Variants in P3H2 observed in about 807,000 individuals in gnomAD.
P3H2 encodes prolyl 3-hydroxylase 2.
A neutral mutation model predicts 87.0 loss-of-function variants in P3H2; 80 were observed. The ratio of observed to expected loss-of-function variants is 0.92; its 90% CI spans 0.77 to 1.11. The LOEUF (loss-of-function observed/expected upper bound fraction) is 1.11. P3H2 is among the 50% of genes least tolerant of loss of function. The pLI, the probability that P3H2 is intolerant of heterozygous loss-of-function variation, is 0.00. For missense variants in P3H2, 1,001 were observed against 923.9 expected (o/e 1.08, Z -1.08); for synonymous variants, 367 against 359.3 (o/e 1.02, Z -0.24).
At chr3:190,076,317 C>CA (rs1187586779) in intron 1 of P3H2, among the ~76,000 whole-genome samples, 2 of 152,024 alleles carry the variant, frequency 1.3e-5, no homozygotes, top group Non-Finnish European at 2.9e-5. Flanking sequence ...GGAAACTTGA[C>CA]AAAAAAGAGA....
chr3:190,061,874 C>G (rs1045877014), intron 1 of P3H2, among the ~76,000 whole-genome samples: 2 of 152,146 alleles, frequency 1.3e-5, no homozygotes, highest in Non-Finnish European at 2.9e-5. Context: ...CTCAGTCTGT[C>G]CAGGCTTTTG....
chr3:190,029,056 T>C (rs564321461), intron 1 of P3H2, among the ~76,000 whole-genome samples: 20 of 152,226 alleles, frequency 1.3e-4, no homozygotes, highest in Non-Finnish European at 2.8e-4. Flanking sequence ...AGAAAAATTT[T>C]CTCTGGTTCT....
chr3:190,083,493 G>C (rs1325941528), intron 1 of P3H2, among the ~76,000 whole-genome samples: 1 of 152,172 alleles, frequency 6.6e-6, no homozygotes, highest in Admixed American at 6.5e-5. Context: ...CATTTTCAAA[G>C]GATTTTTAAC....
chr3:190,066,158 T>TATATATATATATATATATACACAC (rs1256956930), intron 1 of P3H2, among the ~76,000 whole-genome samples: 12 of 134,620 alleles, frequency 8.9e-5, no homozygotes, highest in South Asian at 2.3e-4. Context: ...TATATATATA[T>TATATATATATATATATATACACAC]ACACACACAC....
intron 13 of P3H2, among the ~76,000 whole-genome samples, chr3:189,966,130 A>AAC (rs1722988940): frequency 1.9e-5 from 1 of 52,478 alleles, no homozygotes; most frequent in African/African-American, 6.0e-5. Flanking sequence ...AGAAAAAGAA[A>AAC]GAAAGAAAGA....
chr3:189,970,737 A>G (rs1723151962), intron 13 of P3H2, 79 bp downstream of exon 13: 2 of 833,230 alleles, frequency 2.4e-6, no homozygotes, highest in Non-Finnish European at 4.2e-6. Flanking sequence ...TTGAAATCTA[A>G]CCATCTGTAA....
chr3:190,053,893 GTTTTC>G (rs1485202223), intron 1 of P3H2, among the ~76,000 whole-genome samples: 3 of 152,022 alleles, frequency 2.0e-5, no homozygotes, highest in Non-Finnish European at 4.4e-5. Context: ...AGATTTCCCT[GTTTTC>G]TTAAACAAAT....
At chr3:190,003,095 G>A (rs934018810) in intron 1 of P3H2, among the ~76,000 whole-genome samples, 7 of 152,178 alleles carry the variant, frequency 4.6e-5, no homozygotes, top group Non-Finnish European at 8.8e-5. Flanking sequence ...TGGAAATGAC[G>A]TTTCTGAAGA....
intron 1 of P3H2, among the ~76,000 whole-genome samples, chr3:190,101,800 G>A (rs1041912713): frequency 6.6e-6 from 1 of 152,146 alleles, no homozygotes; most frequent in Non-Finnish European, 1.5e-5. Context: ...GCATCTTCTT[G>A]GAAGATGTCA....
intron 1 of P3H2, among the ~76,000 whole-genome samples, chr3:190,037,838 G>A (rs1191047648): frequency 6.6e-6 from 1 of 152,072 alleles, no homozygotes. Context: ...TGAGACAACA[G>A]AATATTTCTA....
intron 1 of P3H2, among the ~76,000 whole-genome samples, chr3:190,022,889 C>G (rs13323794): frequency 3.3e-5 from 5 of 151,914 alleles, no homozygotes; most frequent in East Asian, 1.9e-4. Context: ...TGCAGTGGCG[C>G]GATCTCGGCT....
At chr3:190,070,171 A>T (rs1256346688) in intron 1 of P3H2, among the ~76,000 whole-genome samples, 1 of 152,190 alleles carries the variant, frequency 6.6e-6, no homozygotes, top group African/African-American at 2.4e-5. Context: ...CCAGGGATTT[A>T]GTCAAAAATG....
At chr3:190,029,566 A>C (rs1365790496) in intron 1 of P3H2, among the ~76,000 whole-genome samples, 4 of 152,174 alleles carry the variant, frequency 2.6e-5, no homozygotes, top group Non-Finnish European at 5.9e-5. Context: ...ACTCAAAAAA[A>C]CATGCTTAAT....
chr3:190,090,563 CATGGTGGCGGGCACCTGT>C (rs1560397116), intron 1 of P3H2, among the ~76,000 whole-genome samples: 1 of 152,042 alleles, frequency 6.6e-6, no homozygotes. Context: ...ATTAGCTGGG[CATGGTGGCGGGCACCTGT>C]AGTCCCAGCT....
intron 1 of P3H2, among the ~76,000 whole-genome samples, chr3:190,048,804 T>A (rs1419288471): frequency 6.6e-6 from 1 of 151,926 alleles, no homozygotes; most frequent in Non-Finnish European, 1.5e-5. Flanking sequence ...AGTGAAAAAA[T>A]AAACACTAAA....
chr3:190,062,709 A>G (rs772577227), intron 1 of P3H2, among the ~76,000 whole-genome samples: 1 of 152,086 alleles, frequency 6.6e-6, no homozygotes, highest in Non-Finnish European at 1.5e-5. Flanking sequence ...AAGTTACTCA[A>G]TCTCTCTGTG....
chr3:190,006,611 C>A (rs1724395923), intron 1 of P3H2, among the ~76,000 whole-genome samples: 1 of 152,060 alleles, frequency 6.6e-6, no homozygotes, highest in African/African-American at 2.4e-5. Context: ...AATTTACAAG[C>A]TTTTAGGGCA....
chr3:190,006,718 G>C (rs1315331428), intron 1 of P3H2, among the ~76,000 whole-genome samples: 1 of 152,198 alleles, frequency 6.6e-6, no homozygotes, highest in Admixed American at 6.5e-5. Context: ...CACTGAGAAA[G>C]TAGGACTGAG....
intron 1 of P3H2, among the ~76,000 whole-genome samples, chr3:190,042,235 G>T (rs980638326): frequency 1.3e-5 from 2 of 152,076 alleles, no homozygotes; most frequent in African/African-American, 4.8e-5. Context: ...AGGGACTGAG[G>T]GTTATTGCCA....
Sources: gnomAD v4.1 joint callset for allele counts (sites outside exome capture counted in the v4.1 genomes callset) on GRCh38, gnomAD v4.1.1 for gene constraint, MANE v1.5 for transcripts, NCBI Gene and HGNC (gene_info 2026-07-23, HGNC 2026-07-21) for gene names.